The following ZNF483 variants were observed in gnomAD, a reference collection of about 807,000 sequenced individuals.
ZNF483 encodes zinc finger protein 483.
ZNF483 carries 9 observed loss-of-function variants against 28.6 expected under a neutral mutation model. That is an observed-to-expected ratio of 0.32 (90% CI 0.19 to 0.55). ZNF483 has a LOEUF of 0.55. ZNF483 is among the 20% of genes least tolerant of loss of function. The pLI is 0.93. For missense variants in ZNF483, 675 were observed against 871.7 expected (o/e 0.77, Z 2.84); for synonymous variants, 322 against 306.2 (o/e 1.05, Z -0.54).
Position 111,542,526 on chromosome 9 carries a change from C to A in ZNF483, c.1591C>A (p.Pro531Thr), listed in dbSNP as rs1222162209. The change falls in exon 6 of 6, where the codon CCC (proline) becomes ACC (threonine). Residue 531 changes from proline to threonine, a missense_variant. Physicochemically the swap from Pro to Thr is conservative, Grantham distance 38. Transcript: ENST00000309235. The surrounding 1 kb of genome is among the most constrained non-coding windows in gnomAD (Gnocchi z 6.2). ...TTATAAATGTAAAGACTGTGGGAGA[C>A]CCTTTAGTGACAGTTCATCTCTTAT... ...KPYKCKDCGRPFSDSSSLIQH... is the reference protein window; with the variant it reads ...KPYKCKDCGRTFSDSSSLIQH... 16 of 1,613,758 alleles carry A rather than the reference C, an allele frequency of 9.9e-6. No individual in the cohort carries two copies. The highest frequency in any genetic ancestry group is 1.4e-5 in the Non-Finnish European group (16 of 1,179,980).
At chr9:111,572,455 C>T (rs1454829394) in intron 5 of ZNF483, among the ~76,000 whole-genome samples, 1 of 151,932 alleles carries the variant, frequency 6.6e-6, no homozygotes, top group Non-Finnish European at 1.5e-5. Flanking sequence ...TCAGGCGTGA[C>T]GATTTGTGCC....
chr9:111,555,867 C>T (rs903202577), downstream of ZNF483, among the ~76,000 whole-genome samples: 28 of 152,170 alleles, frequency 1.8e-4, no homozygotes, highest in African/African-American at 6.8e-4. Flanking sequence ...ACCCTGGTCC[C>T]TCGCAAATCT....
chr9:111,541,982 C>T lies in ZNF483; in HGVS notation c.1047C>T (p.Arg349=), dbSNP rs1827684434. ...TTCATTCAGACCTTGTTCTGAACCG[C>T]AAGGAGAAAACCGCCGGAGAAAAGT... ...FSFHSDLVLN[R]KEKTAGEKSR... The change falls in exon 6 of 6, where the codon CGC becomes CGT. Residue 349 remains arginine, a synonymous_variant. Coordinates refer to ENST00000309235, the MANE Select transcript of ZNF483 (RefSeq NM_133464.5). 14 of 1,613,840 alleles carry T rather than the reference C, an allele frequency of 8.7e-6. No homozygotes were observed. The highest frequency in any genetic ancestry group is 1.2e-5 in the Non-Finnish European group (14 of 1,179,984).
rs145064121 is a variant in ZNF483 at position 111,542,551 on chromosome 9, T to C, written c.1616T>C (p.Ile539Thr). Residue 539 changes from isoleucine to threonine, a missense_variant, in exon 6 of 6, where the codon ATT becomes ACT. By Grantham distance (89) the Ile-to-Thr change is moderately conservative. This residue lies in a region of ZNF483 where 41 missense variants were observed against 69.0 expected (regional missense o/e 0.59). Transcript: ENST00000309235. This position sits in a 1 kb window ranked among gnomAD's most constrained non-coding sequence, Gnocchi z 6.2. ...CCCTTTAGTGACAGTTCATCTCTTATTCAACATCAGCGAATTCATACTGGA... is the reference window on the plus strand; with the variant it reads ...CCCTTTAGTGACAGTTCATCTCTTACTCAACATCAGCGAATTCATACTGGA... ...GRPFSDSSSL[I>T]QHQRIHTGEK... is the part of the protein sequence containing the mutation. 3.1e-6 allele frequency: 5 copies of C among 1,614,002 alleles called. No homozygotes were observed. Among genetic ancestry groups the C allele is most frequent in the Non-Finnish European group, 4.2e-6 (5 of 1,180,018 alleles).
intron 2 of ZNF483, among the ~76,000 whole-genome samples, chr9:111,528,863 G>A (rs901099704): frequency 1.3e-5 from 2 of 152,000 alleles, no homozygotes; most frequent in African/African-American, 2.4e-5. Flanking sequence ...AATTGATTTC[G>A]GGCTGGGTAC....
intron 5 of ZNF483, among the ~76,000 whole-genome samples, chr9:111,568,516 T>C (rs1283187745): frequency 6.6e-6 from 1 of 152,206 alleles, no homozygotes; most frequent in South Asian, 2.1e-4. Context: ...TTATCAGTAA[T>C]TCTGATTTTG....
Position 111,542,254 on chromosome 9 carries a change from A to G in ZNF483, c.1319A>G (p.Lys440Arg), listed in dbSNP as rs1827691867. 1 of 1,614,074 alleles carries G rather than the reference A, an allele frequency of 6.2e-7. No homozygotes were observed. Among genetic ancestry groups the G allele is most frequent in the Admixed American group, 1.7e-5 (1 of 60,008 alleles). ...AATGAGAGTGGAGAAAAAACTCATA[A>G]ATGTAGTAAGTGTGGAAAAGCCTTT... ...EGNESGEKTH[K>R]CSKCGKAFGY... The change falls in exon 6 of 6, where the codon AAA becomes AGA. Residue 440 changes from lysine to arginine, a missense_variant. Physicochemically the swap from Lys to Arg is conservative, Grantham distance 26 (BLOSUM62 2). This residue lies in a region of ZNF483 where 525 missense variants were observed against 581.8 expected (regional missense o/e 0.90). Transcript: ENST00000309235. The surrounding 1 kb of genome is among the most constrained non-coding windows in gnomAD (Gnocchi z 6.2).
intron 5 of ZNF483, among the ~76,000 whole-genome samples, chr9:111,534,697 T>C (rs1258891174): frequency 1.3e-5 from 2 of 150,324 alleles, no homozygotes; most frequent in East Asian, 3.9e-4. Flanking sequence ...GGAAAAGTCT[T>C]AGACTAAAGT....
At position 111,553,665 on chromosome 9, in the gene ZNF483, C is replaced by T. The variant is rs1001598721; in HGVS notation, c.*10495C>T. Among the ~76,000 whole-genome samples the T allele has an allele frequency of 1.3e-5, 2 of 152,170 alleles. No homozygotes were observed. The highest frequency in any genetic ancestry group is 2.1e-4 in the South Asian group (1 of 4,824). On this transcript the variant is annotated 3_prime_UTR_variant, in exon 6 of 6. Coordinates refer to ENST00000309235, the MANE Select transcript of ZNF483 (RefSeq NM_133464.5). Reference sequence around the variant, plus strand: ...TACAAGCATTATAATACAACAGTGTCCTATGCAATGCAGTGGTTAAAGTGA... The same window carrying T: ...TACAAGCATTATAATACAACAGTGTTCTATGCAATGCAGTGGTTAAAGTGA...
downstream of ZNF483, among the ~76,000 whole-genome samples, chr9:111,558,510 TA>T (rs1174092307): frequency 6.6e-6 from 1 of 152,098 alleles, no homozygotes; most frequent in Non-Finnish European, 1.5e-5. Flanking sequence ...AGAATCCTCT[TA>T]AAAAAAGAAA....
intron 5 of ZNF483, among the ~76,000 whole-genome samples, chr9:111,566,216 T>C (rs962788273): frequency 4.6e-5 from 7 of 151,280 alleles, no homozygotes; most frequent in Non-Finnish European, 2.9e-5. Flanking sequence ...AATAAATAAA[T>C]AAATAAATAA....
At chr9:111,526,605 T>A (rs1827191135) in intron 1 of ZNF483, among the ~76,000 whole-genome samples, 1 of 152,138 alleles carries the variant, frequency 6.6e-6, no homozygotes, top group Non-Finnish European at 1.5e-5. Context: ...AATTTGAAAG[T>A]CAAATATTAA....
intron 5 of ZNF483, chr9:111,563,270 A>G: frequency 3.8e-6 from 6 of 1,571,378 alleles, no homozygotes; most frequent in Non-Finnish European, 5.2e-6. Context: ...ACTTAATTTA[A>G]TATTCTCAAT....
In ZNF483 at chr9:111,544,491, G is replaced by C; in HGVS notation, c.*1321G>C. 2.1e-6 allele frequency: 1 copy of C among 469,054 alleles called. No individual in the cohort carries two copies. Among genetic ancestry groups the C allele is most frequent in the Non-Finnish European group, 2.8e-6 (1 of 357,522 alleles). The allele number at this position is 469,054 out of a possible 1,614,324, so 29.1% of individuals were successfully genotyped here. On this transcript the variant is annotated 3_prime_UTR_variant, in exon 6 of 6. Coordinates refer to ENST00000309235, the MANE Select transcript of ZNF483 (RefSeq NM_133464.5). ...TTTATTTATGTAAAGCACTCAGCTG[G>C]TCCTGGGTAGCAGCTGCCACCTTTT...
intron 5 of ZNF483, among the ~76,000 whole-genome samples, chr9:111,573,884 G>A (rs1250406460): frequency 6.6e-6 from 1 of 152,140 alleles, no homozygotes; most frequent in Non-Finnish European, 1.5e-5. Context: ...AGGGAGTGGG[G>A]AATGGAGCGC....
intron 5 of ZNF483, chr9:111,563,504 T>C (rs912288541): frequency 1.1e-5 from 3 of 272,340 alleles, no homozygotes; most frequent in Non-Finnish European, 2.0e-5. Flanking sequence ...AATCTCTTTT[T>C]CTTTCTTTTT....
At chr9:111,537,660 T>C (rs1450357461) in intron 5 of ZNF483, among the ~76,000 whole-genome samples, 1 of 152,148 alleles carries the variant, frequency 6.6e-6, no homozygotes, top group African/African-American at 2.4e-5. Context: ...AGGGTCTTGC[T>C]CTGTCATTCA....
intron 4 of ZNF483, 150 bp downstream of exon 4, chr9:111,534,015 T>C (rs1827414024): frequency 1.0e-6 from 1 of 1,000,310 alleles, no homozygotes; most frequent in Non-Finnish European, 1.5e-6. Flanking sequence ...GTTCTGAAAA[T>C]GTGCTTTTCT....
Position 111,554,249 on chromosome 9 carries a change from G to T in ZNF483, c.*11079G>T, listed in dbSNP as rs1360167624. ...TTGTTTGTTTGCCTGGGAGCATTGT[G>T]GAAAAATGGCCATGGTACTACAGAT... On this transcript the variant is annotated 3_prime_UTR_variant, in exon 6 of 6. Coordinates refer to ENST00000309235, the MANE Select transcript of ZNF483 (RefSeq NM_133464.5). 1.3e-5 allele frequency among the ~76,000 whole-genome samples: 2 copies of T among 152,154 alleles called. No homozygotes were observed. The highest frequency in any genetic ancestry group is 4.8e-5 in the African/African-American group (2 of 41,434).
Sources: allele counts gnomAD v4.1 joint callset (sites outside exome capture counted in the v4.1 genomes callset), GRCh38; gene constraint gnomAD v4.1.1; regional missense constraint gnomAD v4.1.1; non-coding constraint Gnocchi (gnomAD v3.1); transcripts MANE v1.5; gene names NCBI Gene and HGNC (gene_info 2026-07-23, HGNC 2026-07-21).